LRPAP1: variants seen among roughly 807,000 people sequenced by gnomAD.
LRPAP1 encodes LDL receptor related protein associated protein 1.
Under a neutral mutation model 39.9 loss-of-function variants are expected in LRPAP1, and 41 were observed. That is an observed-to-expected ratio of 1.03 (90% CI 0.80 to 1.33). The LOEUF is 1.33. Among genes scored for constraint, LRPAP1 ranks in the 40% most tolerant of loss-of-function variants. The probability of loss-of-function intolerance (pLI) is 0.00; values close to 1 mark genes in which losing one functional copy is unlikely to be tolerated. For missense variants in LRPAP1, 565 were observed against 482.3 expected (o/e 1.17, Z -1.61); for synonymous variants, 263 against 212.7 (o/e 1.24, Z -2.06).
At chr4:3,532,144 T>C in intron 1 of LRPAP1, 65 bp downstream of exon 1, 2 of 1,507,486 alleles carry the variant, frequency 1.3e-6, no homozygotes, top group Non-Finnish European at 1.8e-6. Flanking sequence ...TGGGCCCCGC[T>C]CCAACGACCC....
In LRPAP1 at chr4:3,509,010, C is replaced by A. The variant is rs558739514; in HGVS notation, c.*3964G>T. 1 of 152,188 alleles carries A rather than the reference C, an allele frequency of 6.6e-6. No individual in the cohort carries two copies. The highest frequency in any genetic ancestry group is 2.4e-5 in the African/African-American group (1 of 41,430). The allele number at this position is 152,188 out of a possible 1,614,324, so 9.4% of individuals were successfully genotyped here. On this transcript the variant is annotated 3_prime_UTR_variant, in exon 8 of 8. Transcript: ENST00000650182. ...CACAGAAACACCGCCATGGCCAAGG[C>A]GGGAGTTTAGGGCACAGGATTAAAG...
At chr4:3,517,078 G>A (rs1474021385) in intron 5 of LRPAP1, among the ~76,000 whole-genome samples, 2 of 152,012 alleles carry the variant, frequency 1.3e-5, no homozygotes, top group Non-Finnish European at 2.9e-5. Context: ...AGGCCTACAA[G>A]GTGGTCCAGC....
intron 1 of LRPAP1, chr4:3,531,916 A>G: frequency 2.0e-6 from 1 of 506,996 alleles, no homozygotes; most frequent in Non-Finnish European, 3.5e-6. Context: ...TTCTGTCCCT[A>G]CGCTCGGGTC....
Position 3,505,429 on chromosome 4 carries a change from A to C in LRPAP1, c.*7545T>G, listed in dbSNP as rs1284244485. On this transcript the variant is annotated 3_prime_UTR_variant, in exon 8 of 8. Coordinates refer to ENST00000650182, the MANE Select transcript of LRPAP1 (RefSeq NM_002337.4). ...TGACCCCTCACCACTGAGAGGAGTA[A>C]GGTGTACTTCCTTGTCAAGCATGAC... is the stretch of plus-strand genomic sequence containing the variant. Among the ~76,000 whole-genome samples the C allele has an allele frequency of 6.6e-6, 1 of 152,192 alleles. No individual in the cohort carries two copies. The highest frequency in any genetic ancestry group is 1.5e-5 in the Non-Finnish European group (1 of 68,036).
At chr4:3,520,355 C>T (rs1425879120) in intron 2 of LRPAP1, 162 bp from the exon 3 acceptor site, 1 of 707,530 alleles carries the variant, frequency 1.4e-6, no homozygotes, top group Non-Finnish European at 2.3e-6. Context: ...CTGGGGAGAA[C>T]AAGAATGTAA....
In LRPAP1 at chr4:3,512,689, C is replaced by T. The variant is rs1365430285; in HGVS notation, c.*285G>A. The T allele has an allele frequency of 1.3e-5, 6 of 462,112 alleles. No individual in the cohort carries two copies. The highest frequency in any genetic ancestry group is 1.2e-4 in the Admixed American group (3 of 25,670). 28.6% of individuals were successfully genotyped at this position (462,112 alleles called of 1,614,324 possible). A position where few individuals can be genotyped will look rare whatever the true frequency, so the allele number is the denominator to read the frequency against. On this transcript the variant is annotated 3_prime_UTR_variant, in exon 8 of 8. Coordinates refer to ENST00000650182, the MANE Select transcript of LRPAP1 (RefSeq NM_002337.4). ...AGAGGACTATCAGACCTGACAGCAGCTGGACATCGAGGTCCTCACTGGGGT... is the reference window on the plus strand; with the variant it reads ...AGAGGACTATCAGACCTGACAGCAGTTGGACATCGAGGTCCTCACTGGGGT...
chr4:3,522,013 G>A (rs575172560), intron 2 of LRPAP1, among the ~76,000 whole-genome samples: 16 of 152,342 alleles, frequency 1.1e-4, no homozygotes. Context: ...GGCTGTGGGG[G>A]ATGAGAAAAT....
At position 3,507,877 on chromosome 4, in the gene LRPAP1, G is replaced by A. The variant is rs935848016; in HGVS notation, c.*5097C>T. ...AACACAAATGGCCCAGAGCAGGAAT[G>A]AGAATGGACATCACTGCACAGAGGA... On this transcript the variant is annotated 3_prime_UTR_variant, in exon 8 of 8. Transcript: ENST00000650182. 6.6e-6 allele frequency: 1 copy of A among 152,248 alleles called. No homozygotes were observed. Among genetic ancestry groups the A allele is most frequent in the Non-Finnish European group, 1.5e-5 (1 of 68,044 alleles). The allele number at this position is 152,248 out of a possible 1,614,324, so 9.4% of individuals were successfully genotyped here.
In LRPAP1 at chr4:3,524,967, T is replaced by G; in HGVS notation, c.289A>C (p.Lys97Gln). 6.2e-7 allele frequency: 1 copy of G among 1,614,118 alleles called. No homozygotes were observed. Among genetic ancestry groups the G allele is most frequent in the Non-Finnish European group, 8.5e-7 (1 of 1,180,034 alleles). ...ERDELAWKKLKLDGLDEDGEK... is the reference protein window; with the variant it reads ...ERDELAWKKLQLDGLDEDGEK... ...CCATCTTCGTCCAAGCCGTCAAGCT[T>G]TAGTTTCTTCCAGGCGAGTTCGTCC... The change falls in exon 2 of 8, where the codon AAG (lysine) becomes CAG (glutamine). Residue 97 changes from lysine to glutamine, a missense_variant. Physicochemically the swap from Lys to Gln is moderately conservative, Grantham distance 53 (BLOSUM62 1). Transcript: ENST00000650182.
chr4:3,523,187 TG>T (rs1410618060), intron 2 of LRPAP1, among the ~76,000 whole-genome samples: 2 of 152,140 alleles, frequency 1.3e-5, no homozygotes, highest in Non-Finnish European at 2.9e-5. Flanking sequence ...AGCCCACTTC[TG>T]TGCCCCCTGC....
At position 3,505,146 on chromosome 4, in the gene LRPAP1, G is replaced by C. The variant is rs534275406; in HGVS notation, c.*7828C>G. 6.6e-6 allele frequency among the ~76,000 whole-genome samples: 1 copy of C among 152,284 alleles called. No homozygotes were observed. Among genetic ancestry groups the C allele is most frequent in the Non-Finnish European group, 1.5e-5 (1 of 68,020 alleles). ...GCAGCCATAGTGGGCTGGCTAAGCT[G>C]CAGGTTGTGCCTGAGCTCACGGACA... On this transcript the variant is annotated 3_prime_UTR_variant, in exon 8 of 8. Coordinates refer to ENST00000650182, the MANE Select transcript of LRPAP1 (RefSeq NM_002337.4).
rs528126546 is a variant in LRPAP1 at position 3,525,288 on chromosome 4, T to G, written c.205-237A>C. ...CGGAAACCCCAAGTCCATCGGGGGC[T>G]CCCCACCAGCAGCGGCTGCTCATTC... On this transcript the variant is annotated intron_variant, in intron 1 of 7. Coordinates refer to ENST00000650182, the MANE Select transcript of LRPAP1 (RefSeq NM_002337.4). 8.5e-5 allele frequency: 45 copies of G among 530,746 alleles called. 1 individual carries two copies. In the South Asian group the frequency reaches 1.0e-3, roughly 12 times the overall value. 32.9% of individuals were successfully genotyped at this position (530,746 alleles called of 1,614,324 possible).
At chr4:3,522,943 G>A (rs548157372) in intron 2 of LRPAP1, among the ~76,000 whole-genome samples, 39 of 152,260 alleles carry the variant, frequency 2.6e-4, no homozygotes, top group African/African-American at 8.7e-4. Flanking sequence ...ATAATGGCAC[G>A]GGGGACCTCG....
rs1340284852 is a variant in LRPAP1, at chr4:3,504,623, G to A, written c.*8351C>T. 1.3e-5 allele frequency among the ~76,000 whole-genome samples: 2 copies of A among 151,982 alleles called. No individual in the cohort carries two copies. The highest frequency in any genetic ancestry group is 4.8e-5 in the African/African-American group (2 of 41,370). ...ACATTAGCCCACTGTGGTGGTAGGG[G>A]CCTGTAATCCCAGCTACTTGCGAGG... On this transcript the variant is annotated 3_prime_UTR_variant, in exon 8 of 8. Coordinates refer to ENST00000650182, the MANE Select transcript of LRPAP1 (RefSeq NM_002337.4).
At chr4:3,532,150 G>C in intron 1 of LRPAP1, 59 bp downstream of exon 1, 1 of 1,519,310 alleles carries the variant, frequency 6.6e-7, no homozygotes, top group East Asian at 2.5e-5. Context: ...CCGCTCCAAC[G>C]ACCCCAACCA....
chr4:3,531,963 C>T (rs1560264054), intron 1 of LRPAP1: 2 of 566,908 alleles, frequency 3.5e-6, no homozygotes, highest in Middle Eastern at 4.8e-4. Context: ...GACACTGACC[C>T]TCGGGGTGCC....
Position 3,510,076 on chromosome 4 carries a change from T to C in LRPAP1, c.*2898A>G, listed in dbSNP as rs1560249455. The C allele has an allele frequency of 6.6e-6, 1 of 151,490 alleles. No homozygotes were observed. Among genetic ancestry groups the C allele is most frequent in the Admixed American group, 6.6e-5 (1 of 15,214 alleles). 9.4% of individuals were successfully genotyped at this position (151,490 alleles called of 1,614,324 possible). A position where few individuals can be genotyped will look rare whatever the true frequency, so the allele number is the denominator to read the frequency against. On this transcript the variant is annotated 3_prime_UTR_variant, in exon 8 of 8. Transcript: ENST00000650182. ...CCACAAGAATCTTTAAAAAGAAGAG[T>C]TGGAAAATGCACATCACCTCGATTC...
intron 3 of LRPAP1, among the ~76,000 whole-genome samples, chr4:3,519,480 C>T (rs768451459): frequency 4.6e-5 from 7 of 152,232 alleles, no homozygotes; most frequent in African/African-American, 7.2e-5. Context: ...CTCTCCTGGC[C>T]AAGGACATTG....
intron 4 of LRPAP1, 58 bp downstream of exon 4, chr4:3,518,813 G>T: frequency 5.9e-6 from 7 of 1,177,368 alleles, no homozygotes; most frequent in Non-Finnish European, 8.3e-6. Context: ...GGTGCAGGAG[G>T]GGTGGGGGGC....
Sources: allele counts gnomAD v4.1 joint callset (sites outside exome capture counted in the v4.1 genomes callset), GRCh38; gene constraint gnomAD v4.1.1; transcripts MANE v1.5; gene names NCBI Gene and HGNC (gene_info 2026-07-23, HGNC 2026-07-21).